Variants in SETX observed in about 807,000 individuals in gnomAD.
SETX encodes senataxin.
Under a neutral mutation model 227.2 loss-of-function variants are expected in SETX, and 90 were observed. That is an observed-to-expected ratio of 0.40 (90% CI 0.33 to 0.47). SETX has a LOEUF of 0.47. Ranked by LOEUF, SETX falls within the 20% of genes least tolerant of loss-of-function variation. The pLI, the probability that SETX is intolerant of heterozygous loss-of-function variation, is 0.91. For missense variants in SETX, 3,052 were observed against 3,181.5 expected (o/e 0.96, Z 0.98); for synonymous variants, 1,210 against 1,113.2 (o/e 1.09, Z -1.73).
intron 17 of SETX, among the ~76,000 whole-genome samples, chr9:132,286,736 C>T (rs1843924216): frequency 6.6e-6 from 1 of 152,248 alleles, no homozygotes; most frequent in Non-Finnish European, 1.5e-5. Context: ...GGGAGCATCA[C>T]GCCACCCTTA....
At position 132,326,398 on chromosome 9, in the gene SETX, G is replaced by A. The variant is rs983457512; in HGVS notation, c.5200C>T (p.Pro1734Ser). ...SLCQSISRPV[P>S]VRFHNYGDYF... ...TCTCCATAATTGTGAAATCTGACAG[G>A]CACAGGTCTTGAGATGGACTGACAA... The change falls in exon 10 of 26, where the codon CCT becomes TCT. Residue 1734 changes from proline to serine, a missense_variant. Physicochemically the swap from Pro to Ser is moderately conservative, Grantham distance 74. This residue lies in a region of SETX where 239 missense variants were observed against 272.1 expected (regional missense o/e 0.88). Coordinates refer to ENST00000224140, the MANE Select transcript of SETX (RefSeq NM_015046.7). The A allele has an allele frequency of 1.9e-6, 3 of 1,613,920 alleles. No individual in the cohort carries two copies. Among genetic ancestry groups the A allele is most frequent in the Non-Finnish European group, 2.5e-6 (3 of 1,179,932 alleles).
At chr9:132,341,210 T>A (rs1247087028) in intron 5 of SETX, among the ~76,000 whole-genome samples, 1 of 152,060 alleles carries the variant, frequency 6.6e-6, no homozygotes, top group African/African-American at 2.4e-5. Flanking sequence ...AGAGCAAGAC[T>A]CTGTCTCAAA....
intron 2 of SETX, among the ~76,000 whole-genome samples, chr9:132,349,838 G>A (rs1848512671): frequency 6.6e-6 from 1 of 152,232 alleles, no homozygotes; most frequent in Middle Eastern, 3.4e-3. Flanking sequence ...AATGGACCTA[G>A]CTCAGCATTC....
At chr9:132,336,217 T>G in intron 6 of SETX, 79 bp downstream of exon 6, 1 of 1,152,752 alleles carries the variant, frequency 8.7e-7, no homozygotes. Flanking sequence ...CACTCCAGCC[T>G]GGGCAACAGA....
chr9:132,268,211 G>A (rs527346862), intron 25 of SETX, among the ~76,000 whole-genome samples: 7 of 152,340 alleles, frequency 4.6e-5, no homozygotes, highest in Admixed American at 1.3e-4. Flanking sequence ...TGCAAGGAAA[G>A]TACTGAGAGG....
At chr9:132,318,755 A>G (rs1049025597) in intron 10 of SETX, among the ~76,000 whole-genome samples, 1 of 152,162 alleles carries the variant, frequency 6.6e-6, no homozygotes, top group Non-Finnish European at 1.5e-5. Flanking sequence ...CACTGCAGAC[A>G]TGAGCTAGTT....
In SETX at chr9:132,329,383, C is replaced by T. The variant is rs1847072913; in HGVS notation, c.2215G>A (p.Gly739Arg). The change falls in exon 10 of 26, where the codon GGA becomes AGA. Residue 739 changes from glycine to arginine, a missense_variant. Around this residue, in one of 10 missense-constraint regions of SETX, gnomAD observed 1,483 missense variants for 1,312.0 expected, o/e 1.13. Transcript: ENST00000224140. The stretch of plus-strand genomic sequence containing the variant: ...AACAAACGTGTTGATACTATTATTC[C>T]TCTGTCACATCCCCTTTCTGGACCA... ...RNGPERGCDR[G>R]IIVSTRLLTD... The T allele has an allele frequency of 6.2e-7, 1 of 1,613,810 alleles. No individual in the cohort carries two copies. The highest frequency in any genetic ancestry group is 8.5e-7 in the Non-Finnish European group (1 of 1,179,976).
chr9:132,356,370 G>T (rs992372118), upstream of SETX, among the ~76,000 whole-genome samples: 4 of 151,968 alleles, frequency 2.6e-5, no homozygotes, highest in Non-Finnish European at 1.5e-5. Flanking sequence ...CCCGGCTAAT[G>T]TTCATGTTTT....
chr9:132,283,625 AAC>A (rs1375351186), intron 18 of SETX, among the ~76,000 whole-genome samples: 3 of 152,254 alleles, frequency 2.0e-5, no homozygotes, highest in Non-Finnish European at 2.9e-5. Flanking sequence ...TCGCGGCTGA[AAC>A]ACAGAATATG....
chr9:132,277,206 A>G, intron 21 of SETX, 54 bp from the exon 22 acceptor site: 2 of 1,513,634 alleles, frequency 1.3e-6, no homozygotes, highest in Non-Finnish European at 1.8e-6. Context: ...ATTTAAGAAA[A>G]TATCTTGGTA....
intron 10 of SETX, among the ~76,000 whole-genome samples, chr9:132,316,428 A>C (rs948250681): frequency 6.6e-6 from 1 of 152,234 alleles, no homozygotes; most frequent in Non-Finnish European, 1.5e-5. Flanking sequence ...CCTTCACTAA[A>C]AAGACATTAA....
At position 132,275,321 on chromosome 9, in the gene SETX, T is replaced by C. The variant is rs1168061945; in HGVS notation, c.7035A>G (p.Ile2345Met). The change falls in exon 23 of 26, where the codon ATA becomes ATG. Residue 2345 changes from isoleucine to methionine, a missense_variant. By Grantham distance (10) the Ile-to-Met change is conservative. Transcript: ENST00000224140. ...TCGTCTTCTGGGCCTTGTAATGAGT[T>C]ATTATGCCAATGTTTCGAAAACTAA... ...KDVSFRNIGI[I>M]THYKAQKTMI... 2.5e-6 allele frequency: 4 copies of C among 1,613,966 alleles called. No homozygotes were observed. In the African/African-American group the frequency reaches 5.3e-5, roughly 22 times the overall value.
At chr9:132,283,091 T>C in intron 19 of SETX, 173 bp downstream of exon 19, 1 of 797,568 alleles carries the variant, frequency 1.3e-6, no homozygotes, top group Non-Finnish European at 2.0e-6. Flanking sequence ...ACTTTCACTA[T>C]GGAGGGTCAT....
At chr9:132,345,903 C>T (rs1210986575) in intron 4 of SETX, among the ~76,000 whole-genome samples, 2 of 152,138 alleles carry the variant, frequency 1.3e-5, no homozygotes, top group Non-Finnish European at 2.9e-5. Flanking sequence ...CCTGTACTCC[C>T]AGCTACCCAC....
At chr9:132,297,764 C>T (rs1344027707) in intron 13 of SETX, among the ~76,000 whole-genome samples, 1 of 152,208 alleles carries the variant, frequency 6.6e-6, no homozygotes, top group Non-Finnish European at 1.5e-5. Context: ...GGCCAATTCT[C>T]CATCAATCAT....
At chr9:132,304,001 A>C (rs10793916) in intron 11 of SETX, among the ~76,000 whole-genome samples, 150,903 of 152,254 alleles carry the variant, frequency 0.99, 74,784 homozygotes, top group Middle Eastern at 1. Flanking sequence ...GCGCCTGTAA[A>C]CCCAGCTACT....
chr9:132,269,706 G>A lies in SETX; in HGVS notation c.7200-4C>T, dbSNP rs761312245. ...TCTCTGCAAACTTGCCAGGAATCTA[G>A]GCAATAAAAAAAGAGTTCCTTCTTT... On this transcript the variant is annotated splice_region_variant and splice_polypyrimidine_tract_variant and intron_variant, in intron 24 of 25. Coordinates refer to ENST00000224140, the MANE Select transcript of SETX (RefSeq NM_015046.7). 8.1e-6 allele frequency: 13 copies of A among 1,613,820 alleles called. No homozygotes were observed. The Admixed American group carries it at 1.5e-4, about 19-fold the overall frequency.
rs151036194 is a variant in SETX at position 132,334,632 on chromosome 9, G to C, written c.814C>G (p.His272Asp). 1.1e-5 allele frequency: 17 copies of C among 1,614,010 alleles called. No individual in the cohort carries two copies. The highest frequency in any genetic ancestry group is 1.4e-5 in the Non-Finnish European group (16 of 1,179,944). Residue 272 changes from histidine (H) to aspartate (D), a missense_variant, in exon 7 of 26, where the codon CAC (histidine) becomes GAC (aspartate). Transcript: ENST00000224140. The part of the protein sequence containing the change: ...KQNDFMQSIL[H>D]TMEREADDDS... ...CCATCTGCTTCCCTCTCCATAGTGT[G>C]AAGTATCGATTGCATAAAATCATTT...
rs1433545109 is a variant in SETX, at chr9:132,328,067, T to A, written c.3531A>T (p.Ser1177=). 1 of 1,614,198 alleles carries A rather than the reference T, an allele frequency of 6.2e-7. No individual in the cohort carries two copies. Among genetic ancestry groups the A allele is most frequent in the Non-Finnish European group, 8.5e-7 (1 of 1,180,034 alleles). Residue 1177 remains serine, a synonymous_variant, in exon 10 of 26, where the codon TCA becomes TCT. Transcript: ENST00000224140. The stretch of plus-strand genomic sequence containing the variant: ...ACTGGCCCTCATTTCTGACAGAAGA[T>A]GAAGGCCTCACAGGATCTTCAGCCA... ...KPMAEDPVRP[S]SSVRNEGQSD...
Sources: allele counts gnomAD v4.1 joint callset (sites outside exome capture counted in the v4.1 genomes callset), GRCh38; gene constraint gnomAD v4.1.1; regional missense constraint gnomAD v4.1.1; transcripts MANE v1.5; gene names NCBI Gene and HGNC (gene_info 2026-07-23, HGNC 2026-07-21).